Variants in XKR6 observed in about 807,000 individuals in gnomAD.
XKR6 encodes the protein XK-related protein 6.
XKR6 carries 22 observed loss-of-function variants against 56.7 expected under a neutral mutation model. The ratio of observed to expected loss-of-function variants is 0.39; its 90% CI spans 0.28 to 0.55. The LOEUF is 0.55. Among genes scored for constraint, XKR6 ranks in the 20% least tolerant of loss-of-function variants. The pLI, the probability that XKR6 is intolerant of heterozygous loss-of-function variation, is 0.66. For synonymous variants in XKR6, 524 were observed against 387.8 expected (o/e 1.35, Z -4.13); for missense variants, 852 against 889.0 (o/e 0.96, Z 0.53).
At chr8:11,187,462 A>G (rs966030628) in intron 1 of XKR6, among the ~76,000 whole-genome samples, 1 of 152,206 alleles carries the variant, frequency 6.6e-6, no homozygotes, top group East Asian at 1.9e-4. Context: ...TCTCCGGGAC[A>G]TGGATTCCTT....
intron 1 of XKR6, among the ~76,000 whole-genome samples, chr8:11,143,264 A>T (rs929642911): frequency 5.3e-5 from 8 of 152,232 alleles, no homozygotes; most frequent in Non-Finnish European, 8.8e-5. Context: ...AACTCTCATG[A>T]AGATCAGCAG....
At chr8:11,085,284 C>A (rs757016455) in intron 1 of XKR6, among the ~76,000 whole-genome samples, 1 of 152,162 alleles carries the variant, frequency 6.6e-6, no homozygotes, top group African/African-American at 2.4e-5. Flanking sequence ...TGGCAACAGG[C>A]GAAGCACGTG....
chr8:10,990,007 G>A (rs1455345257), intron 1 of XKR6, among the ~76,000 whole-genome samples: 2 of 152,168 alleles, frequency 1.3e-5, no homozygotes, highest in South Asian at 2.1e-4. Flanking sequence ...ACTGGGAGTC[G>A]GGTTATGGAC....
intron 1 of XKR6, among the ~76,000 whole-genome samples, chr8:11,030,248 C>T (rs549085937): frequency 6.6e-6 from 1 of 152,336 alleles, no homozygotes; most frequent in East Asian, 1.9e-4. Context: ...CATCCTCCTT[C>T]CCTTTCCATC....
At chr8:11,083,211 C>T (rs951431755) in intron 1 of XKR6, among the ~76,000 whole-genome samples, 3 of 152,218 alleles carry the variant, frequency 2.0e-5, no homozygotes, top group African/African-American at 7.2e-5. Context: ...CCACCACACA[C>T]ATGGCTCAGC....
chr8:11,109,727 T>G (rs990855798), intron 1 of XKR6: 1 of 152,108 alleles, frequency 6.6e-6, no homozygotes, highest in Non-Finnish European at 1.5e-5. Context: ...GCCTTTAAAC[T>G]ATTCATTCCA....
intron 2 of XKR6, among the ~76,000 whole-genome samples, chr8:10,919,836 G>A (rs79441004): frequency 0.078 from 11,816 of 152,146 alleles, 726 homozygotes; most frequent in African/African-American, 0.17. Context: ...ATGTGCTCCC[G>A]TCATTTATTT....
chr8:11,020,613 C>CA (rs1798728916), intron 1 of XKR6, among the ~76,000 whole-genome samples: 2 of 152,326 alleles, frequency 1.3e-5, no homozygotes, highest in South Asian at 4.1e-4. Flanking sequence ...GGGAACACCC[C>CA]AGCCCCTAAG....
chr8:10,992,369 C>G (rs937643217), intron 1 of XKR6, among the ~76,000 whole-genome samples: 3 of 152,126 alleles, frequency 2.0e-5, no homozygotes, highest in Non-Finnish European at 4.4e-5. Context: ...CTCCATCTAT[C>G]TGAAAGCCCA....
At chr8:11,037,118 C>A (rs1799166471) in intron 1 of XKR6, among the ~76,000 whole-genome samples, 1 of 152,220 alleles carries the variant, frequency 6.6e-6, no homozygotes, top group Non-Finnish European at 1.5e-5. Flanking sequence ...CAACACTTCT[C>A]AAATTTCTGC....
intron 1 of XKR6, among the ~76,000 whole-genome samples, chr8:10,993,199 G>C (rs1013781770): frequency 6.6e-6 from 1 of 152,240 alleles, no homozygotes; most frequent in Non-Finnish European, 1.5e-5. Flanking sequence ...TTGGCTGGTA[G>C]CTCTCGCGCC....
intron 1 of XKR6, among the ~76,000 whole-genome samples, chr8:11,069,054 G>A (rs534212224): frequency 6.6e-6 from 1 of 152,042 alleles, no homozygotes; most frequent in South Asian, 2.1e-4. Context: ...GGCCTTCCAT[G>A]TTTTCCCTTC....
chr8:11,132,860 T>TG (rs1800181371), intron 1 of XKR6, among the ~76,000 whole-genome samples: 2 of 100,782 alleles, frequency 2.0e-5, no homozygotes, highest in Admixed American at 1.6e-4. Flanking sequence ...GTATGATGTG[T>TG]GAAAAAAAAA....
At chr8:10,928,588 C>G (rs551612282) in intron 1 of XKR6, among the ~76,000 whole-genome samples, 26 of 152,314 alleles carry the variant, frequency 1.7e-4, no homozygotes, top group Admixed American at 4.6e-4. Flanking sequence ...TCTGCAGAAG[C>G]GGCCTCGACC....
intron 1 of XKR6, among the ~76,000 whole-genome samples, chr8:11,076,823 C>G (rs559711801): frequency 1.4e-3 from 217 of 152,290 alleles, no homozygotes; most frequent in African/African-American, 4.7e-3. Context: ...ACCTTGAATC[C>G]CAAGGACAAG....
At chr8:11,106,852 A>AC in intron 1 of XKR6, 1 of 144,778 alleles carries the variant, frequency 6.9e-6, no homozygotes, top group African/African-American at 2.6e-5. Context: ...CTTCATCTCA[A>AC]AAAAAAAAAA....
At chr8:10,997,516 G>A (rs1798141345) in intron 1 of XKR6, among the ~76,000 whole-genome samples, 1 of 152,140 alleles carries the variant, frequency 6.6e-6, no homozygotes, top group Admixed American at 6.5e-5. Flanking sequence ...GATAGCCATA[G>A]GAAAAAATGA....
intron 1 of XKR6, among the ~76,000 whole-genome samples, chr8:10,959,418 A>T (rs1801995815): frequency 1.3e-5 from 2 of 152,102 alleles, no homozygotes; most frequent in South Asian, 4.2e-4. Context: ...ATAACAAAAT[A>T]CCCCTGGGTG....
At chr8:11,195,322 G>C (rs1803814785) in intron 1 of XKR6, 1 of 593,864 alleles carries the variant, frequency 1.7e-6, no homozygotes, top group Non-Finnish European at 3.0e-6. Context: ...CTAAGGTAGA[G>C]ATTCATTTTT....
Sources: gnomAD v4.1 joint callset for allele counts (sites outside exome capture counted in the v4.1 genomes callset) on GRCh38, gnomAD v4.1.1 for gene constraint, MANE v1.5 for transcripts, NCBI Gene and HGNC (gene_info 2026-07-23, HGNC 2026-07-21) for gene names.